CDCP1: variants seen among roughly 807,000 people sequenced by gnomAD.
CDCP1 encodes CUB domain-containing protein 1.
A neutral mutation model predicts 60.2 loss-of-function variants in CDCP1; 29 were observed. The ratio of observed to expected loss-of-function variants is 0.48; its 90% CI spans 0.36 to 0.66. The LOEUF (loss-of-function observed/expected upper bound fraction) is 0.66. CDCP1 is among the 30% of genes least tolerant of loss of function. CDCP1 has a pLI of 0.00. For missense variants in CDCP1, 876 were observed against 1,074.3 expected (o/e 0.82, Z 2.58); for synonymous variants, 387 against 431.1 (o/e 0.90, Z 1.27).
chr3:45,102,887 T>C (rs1698502957), intron 4 of CDCP1, among the ~76,000 whole-genome samples: 1 of 151,954 alleles, frequency 6.6e-6, no homozygotes. Context: ...TCAGACTCCT[T>C]TGGGCTCAAC....
rs968830626 is a variant in CDCP1 at position 45,131,002 on chromosome 3, G to A, written c.83-12381C>T. Reference sequence around the variant, plus strand: ...CCACCTCAGCCTCCTGAGTAGCTGGGACCACCAGCGAATGACACCATGCCT... The same window carrying A: ...CCACCTCAGCCTCCTGAGTAGCTGGAACCACCAGCGAATGACACCATGCCT... On this transcript the variant is annotated intron_variant, in intron 1 of 8. Coordinates refer to ENST00000296129, the MANE Select transcript of CDCP1 (RefSeq NM_022842.5). Among the ~76,000 whole-genome samples the A allele has an allele frequency of 3.3e-5, 5 of 152,144 alleles. No homozygotes were observed. In the South Asian group the frequency reaches 6.3e-4, roughly 19 times the overall value.
At chr3:45,108,506 CAG>C (rs1698609947) in intron 4 of CDCP1, among the ~76,000 whole-genome samples, 1 of 151,880 alleles carries the variant, frequency 6.6e-6, no homozygotes, top group African/African-American at 2.4e-5. Flanking sequence ...CAGAATTAAT[CAG>C]AGCTTCTAAG....
At chr3:45,089,855 G>A (rs751405921) in intron 7 of CDCP1, among the ~76,000 whole-genome samples, 2 of 152,206 alleles carry the variant, frequency 1.3e-5, no homozygotes. Flanking sequence ...GTAGGAGAAA[G>A]CAGGGAGTCA....
In CDCP1 at chr3:45,108,953, A is replaced by ATATATATTTTTTTT. The variant is rs1401302861; in HGVS notation, c.1024+1519_1024+1520insAAAAAAAATATATA. ...CATGTATACATATATATATATATAT[A>ATATATATTTTTTTT]TTTTTTTTTTTTTTGAGATGGAGTC... is the stretch of plus-strand genomic sequence containing the variant. On this transcript the variant is annotated intron_variant, in intron 4 of 8. Transcript: ENST00000296129. Among the ~76,000 whole-genome samples the ATATATATTTTTTTT allele has an allele frequency of 4.9e-5, 2 of 41,134 alleles. 1 individual carries two copies. Among genetic ancestry groups the ATATATATTTTTTTT allele is most frequent in the African/African-American group, 1.9e-4 (2 of 10,350 alleles). The allele number at this position is 41,134 out of a possible 152,430, so 27.0% of individuals were successfully genotyped here. A position where few individuals can be genotyped will look rare whatever the true frequency, so the allele number is the denominator to read the frequency against.
In CDCP1 at chr3:45,110,622, G is replaced by A; in HGVS notation, c.875C>T (p.Pro292Leu). ...CTTGTCCTCCAGCTTGAACACCTCG[G>A]GGTTGGTGGTGGAGCCCGGGATGTA... ...EYYIPGSTTNPEVFKLEDKQP... is the reference protein window; with the variant it reads ...EYYIPGSTTNLEVFKLEDKQP... Residue 292 changes from proline (P) to leucine (L), a missense_variant, in exon 4 of 9, where the codon CCC becomes CTC. Physicochemically the swap from Pro to Leu is moderately conservative, Grantham distance 98. Transcript: ENST00000296129. The A allele has an allele frequency of 6.2e-7, 1 of 1,614,174 alleles. No individual in the cohort carries two copies. Among genetic ancestry groups the A allele is most frequent in the Non-Finnish European group, 8.5e-7 (1 of 1,180,016 alleles).
At chr3:45,143,810 G>C (rs1699336560) in intron 1 of CDCP1, among the ~76,000 whole-genome samples, 1 of 152,116 alleles carries the variant, frequency 6.6e-6, no homozygotes, top group African/African-American at 2.4e-5. Flanking sequence ...CTGACTCCAA[G>C]TCATGCAAAT....
chr3:45,103,446 C>T (rs1425968385), intron 4 of CDCP1, among the ~76,000 whole-genome samples: 7 of 152,090 alleles, frequency 4.6e-5, no homozygotes, highest in Non-Finnish European at 1.0e-4. Context: ...TATGAATATC[C>T]TTGTACAAGT....
intron 7 of CDCP1, among the ~76,000 whole-genome samples, chr3:45,090,256 G>A (rs1367187071): frequency 6.6e-6 from 1 of 152,164 alleles, no homozygotes; most frequent in Non-Finnish European, 1.5e-5. Context: ...TTCTGACACT[G>A]TGATGCTCGG....
chr3:45,117,639 C>CA (rs1230759862), intron 2 of CDCP1, among the ~76,000 whole-genome samples: 1 of 151,624 alleles, frequency 6.6e-6, no homozygotes, highest in African/African-American at 2.4e-5. Context: ...CTCTGTCACC[C>CA]AGGCTGGAGT....
chr3:45,142,475 T>G (rs1257639849), intron 1 of CDCP1, among the ~76,000 whole-genome samples: 1 of 152,190 alleles, frequency 6.6e-6, no homozygotes, highest in African/African-American at 2.4e-5. Flanking sequence ...CAGATTCTAT[T>G]TGCCAAATTG....
chr3:45,099,124 C>CTTT (rs1034563890), intron 4 of CDCP1, among the ~76,000 whole-genome samples: 14 of 137,428 alleles, frequency 1.0e-4, no homozygotes, highest in Non-Finnish European at 4.8e-5. Flanking sequence ...CTTTTCTTTT[C>CTTT]TTTTTTTTTT....
intron 4 of CDCP1, among the ~76,000 whole-genome samples, chr3:45,101,658 G>A (rs1467558069): frequency 6.6e-6 from 1 of 152,134 alleles, no homozygotes; most frequent in African/African-American, 2.4e-5. Context: ...AGGCCGAGGT[G>A]GGCAGATCAC....
intron 1 of CDCP1, among the ~76,000 whole-genome samples, chr3:45,126,119 T>C (rs4683052): frequency 0.16 from 5,221 of 33,300 alleles, 199 homozygotes; most frequent in African/African-American, 0.27. Context: ...TCTTTCTTTC[T>C]TTCTTTCTTT....
At position 45,083,528 on chromosome 3, in the gene CDCP1, C is replaced by G. The variant is rs780554238; in HGVS notation, c.*2110G>C. 2 of 152,126 alleles carry G rather than the reference C, an allele frequency of 1.3e-5. No individual in the cohort carries two copies. Among genetic ancestry groups the G allele is most frequent in the Non-Finnish European group, 2.9e-5 (2 of 68,040 alleles). 9.4% of individuals were successfully genotyped at this position (152,126 alleles called of 1,614,324 possible). ...AATATTGAACTTGGGACTGTGCTGA[C>G]AAGCTATAACATAATCCCTCTCCTT... is the stretch of plus-strand genomic sequence containing the variant. On this transcript the variant is annotated 3_prime_UTR_variant, in exon 9 of 9. Coordinates refer to ENST00000296129, the MANE Select transcript of CDCP1 (RefSeq NM_022842.5).
chr3:45,132,029 T>A (rs774791098), intron 1 of CDCP1, among the ~76,000 whole-genome samples: 3 of 151,208 alleles, frequency 2.0e-5, no homozygotes, highest in Non-Finnish European at 4.4e-5. Flanking sequence ...AGGTCAGGAG[T>A]TCGAGACCAG....
Position 45,112,067 on chromosome 3 carries a change from G to A in CDCP1, c.655+16C>T, listed in dbSNP as rs1698703103. ...GTGTTTTAACCTAATCAGATAGCAGGGAGGGGCTTTCTCACGTTTTATAGA... is the reference window on the plus strand; with the variant it reads ...GTGTTTTAACCTAATCAGATAGCAGAGAGGGGCTTTCTCACGTTTTATAGA... On this transcript the variant is annotated intron_variant, in intron 3 of 8. Transcript: ENST00000296129. 3 of 1,608,614 alleles carry A rather than the reference G, an allele frequency of 1.9e-6. No individual in the cohort carries two copies. The highest frequency in any genetic ancestry group is 1.1e-5 in the South Asian group (1 of 90,934).
At position 45,083,298 on chromosome 3, in the gene CDCP1, G is replaced by A. The variant is rs1484794133; in HGVS notation, c.*2340C>T. The stretch of plus-strand genomic sequence containing the variant: ...GGAACCAGACTTTCAGAAGGGAAAG[G>A]TGCCATAGGCAACGCCAAGGGCATG... On this transcript the variant is annotated 3_prime_UTR_variant, in exon 9 of 9. Transcript: ENST00000296129. 1.3e-5 allele frequency: 2 copies of A among 152,228 alleles called. No homozygotes were observed. The highest frequency in any genetic ancestry group is 1.9e-4 in the East Asian group (1 of 5,190). The allele number at this position is 152,228 out of a possible 1,614,324, so 9.4% of individuals were successfully genotyped here.
intron 1 of CDCP1, among the ~76,000 whole-genome samples, chr3:45,139,973 G>T (rs953732574): frequency 6.6e-6 from 1 of 152,168 alleles, no homozygotes; most frequent in Non-Finnish European, 1.5e-5. Context: ...AGCTGTTCTC[G>T]GGGTTAAACA....
At chr3:45,130,428 C>G (rs1249593988) in intron 1 of CDCP1, among the ~76,000 whole-genome samples, 1 of 152,146 alleles carries the variant, frequency 6.6e-6, no homozygotes, top group Non-Finnish European at 1.5e-5. Context: ...CACAATAAAA[C>G]AATTCTTAAA....
Sources: allele counts gnomAD v4.1 joint callset (sites outside exome capture counted in the v4.1 genomes callset), GRCh38; gene constraint gnomAD v4.1.1; transcripts MANE v1.5; gene names NCBI Gene and HGNC (gene_info 2026-07-23, HGNC 2026-07-21).